TBC1D1: variants seen among roughly 807,000 people sequenced by gnomAD.
TBC1D1 encodes TBC1 (tre-2/USP6, BUB2, cdc16) domain family, member 1.
TBC1D1 carries 89 observed loss-of-function variants against 125.6 expected under a neutral mutation model. The observed-to-expected ratio is 0.71, with a 90% CI of 0.60 to 0.85. The LOEUF is 0.85. TBC1D1 is among the 40% of genes least tolerant of loss of function. The pLI is 0.00. For synonymous variants in TBC1D1, 565 were observed against 564.1 expected (o/e 1.00, Z -0.02); for missense variants, 1,377 against 1,469.2 (o/e 0.94, Z 1.03).
intron 2 of TBC1D1, among the ~76,000 whole-genome samples, chr4:37,959,286 G>A (rs12640697): frequency 0.08 from 12,225 of 152,174 alleles, 528 homozygotes; most frequent in South Asian, 0.11. Flanking sequence ...CATATATTTC[G>A]TATGTTTTAT....
At chr4:37,933,271 A>G (rs1723676500) in intron 2 of TBC1D1, among the ~76,000 whole-genome samples, 1 of 152,034 alleles carries the variant, frequency 6.6e-6, no homozygotes, top group South Asian at 2.1e-4. Flanking sequence ...ATACACCTAC[A>G]TACGCACCTA....
At chr4:37,897,879 C>A (rs1714989141) in intron 1 of TBC1D1, among the ~76,000 whole-genome samples, 1 of 152,108 alleles carries the variant, frequency 6.6e-6, no homozygotes, top group Non-Finnish European at 1.5e-5. Flanking sequence ...AAAGAGAGAT[C>A]ATTATTTATG....
chr4:38,049,661 GCTC>G lies in TBC1D1; in HGVS notation c.1676_1678del (p.Ser559del). ...AAGGAGGCCTTGCCCATCTCTGAGA[GCTC>G]CTTTAAGCTCCTCGGCTCCTCGGAG... is the stretch of plus-strand genomic sequence containing the variant. On this transcript the variant is annotated inframe_deletion, in exon 11 of 20. Coordinates refer to ENST00000261439, the MANE Select transcript of TBC1D1 (RefSeq NM_015173.4). 1 of 1,613,448 alleles carries G rather than the reference GCTC, an allele frequency of 6.2e-7. No homozygotes were observed. Among genetic ancestry groups the G allele is most frequent in the Non-Finnish European group, 8.5e-7 (1 of 1,179,512 alleles).
At chr4:37,909,735 T>C (rs1377595393) in intron 2 of TBC1D1, among the ~76,000 whole-genome samples, 3 of 152,236 alleles carry the variant, frequency 2.0e-5, no homozygotes, top group African/African-American at 7.2e-5. Context: ...GGGGTCTTGT[T>C]AGGTATGTTT....
chr4:37,978,311 G>A (rs1733656908), intron 2 of TBC1D1, among the ~76,000 whole-genome samples: 1 of 152,210 alleles, frequency 6.6e-6, no homozygotes, highest in Non-Finnish European at 1.5e-5. Context: ...TCGCCACCTT[G>A]AAAGGCTCGC....
At chr4:37,981,669 G>T (rs969920235) in intron 2 of TBC1D1, among the ~76,000 whole-genome samples, 2 of 152,192 alleles carry the variant, frequency 1.3e-5, no homozygotes, top group African/African-American at 4.8e-5. Context: ...GGTATGGCTG[G>T]AATATATCCA....
intron 12 of TBC1D1, among the ~76,000 whole-genome samples, chr4:38,082,569 A>C (rs1290014991): frequency 6.6e-6 from 1 of 152,226 alleles, no homozygotes; most frequent in East Asian, 1.9e-4. Flanking sequence ...TTGCAGATGC[A>C]AAAACAAACG....
rs563352737 is a variant in TBC1D1 at position 38,135,893 on chromosome 4, T to C, written c.3307-1242T>C. 2.7e-5 allele frequency among the ~76,000 whole-genome samples: 4 copies of C among 149,400 alleles called. No homozygotes were observed. The South Asian group carries it at 8.6e-4, about 32-fold the overall frequency. ...ATATATGTGTGTGTGTGTGTATATA[T>C]GTGTGTGTGTATATATACGTGTGTG... On this transcript the variant is annotated intron_variant, in intron 19 of 19. Coordinates refer to ENST00000261439, the MANE Select transcript of TBC1D1 (RefSeq NM_015173.4).
At chr4:38,056,369 G>C (rs1375546506) in intron 12 of TBC1D1, among the ~76,000 whole-genome samples, 2 of 152,228 alleles carry the variant, frequency 1.3e-5, no homozygotes, top group Non-Finnish European at 2.9e-5. Flanking sequence ...GGCTCTGGCA[G>C]TGTGTTGCTC....
chr4:37,953,666 G>A (rs1285964201), intron 2 of TBC1D1, among the ~76,000 whole-genome samples: 2 of 152,190 alleles, frequency 1.3e-5, no homozygotes, highest in Non-Finnish European at 2.9e-5. Context: ...AGGTTGATGT[G>A]TAGAATAGTG....
chr4:38,029,431 G>A (rs1465880273), intron 7 of TBC1D1, among the ~76,000 whole-genome samples: 5 of 152,276 alleles, frequency 3.3e-5, no homozygotes, highest in South Asian at 2.1e-4. Flanking sequence ...GCAATGGTGC[G>A]ATCTTGGCTC....
intron 15 of TBC1D1, among the ~76,000 whole-genome samples, chr4:38,107,583 T>G (rs1056794525): frequency 1.4e-5 from 2 of 141,294 alleles, no homozygotes; most frequent in African/African-American, 5.2e-5. Flanking sequence ...ACAGGTTTTT[T>G]TTTTTTTTTT....
intron 7 of TBC1D1, among the ~76,000 whole-genome samples, chr4:38,033,909 T>C (rs1350835852): frequency 6.6e-6 from 1 of 152,258 alleles, no homozygotes; most frequent in Non-Finnish European, 1.5e-5. Context: ...GTTTTATAGA[T>C]GCACTACAGT....
At chr4:38,035,471 A>T in intron 7 of TBC1D1, 117 bp from the exon 8 acceptor site, 1 of 734,670 alleles carries the variant, frequency 1.4e-6, no homozygotes. Context: ...CCCCCTGGTG[A>T]GATGATTGAG....
At chr4:37,992,878 C>T (rs370977976) in intron 2 of TBC1D1, among the ~76,000 whole-genome samples, 2 of 150,106 alleles carry the variant, frequency 1.3e-5, no homozygotes, top group African/African-American at 2.5e-5. Context: ...GATCTCAGCT[C>T]ACTGCAACCT....
At chr4:38,040,055 AT>A (rs1245928764) in intron 8 of TBC1D1, among the ~76,000 whole-genome samples, 15 of 152,204 alleles carry the variant, frequency 9.9e-5, no homozygotes, top group African/African-American at 3.6e-4. Flanking sequence ...TCATTTCTAA[AT>A]GTGAATTATT....
chr4:37,896,789 A>T (rs969486916), intron 1 of TBC1D1, among the ~76,000 whole-genome samples: 1 of 151,494 alleles, frequency 6.6e-6, no homozygotes, highest in African/African-American at 2.4e-5. Context: ...TATTAGGGAA[A>T]TTTCTAAATG....
At chr4:37,998,402 C>G (rs1051100918) in intron 2 of TBC1D1, among the ~76,000 whole-genome samples, 1 of 152,174 alleles carries the variant, frequency 6.6e-6, no homozygotes, top group Admixed American at 6.5e-5. Flanking sequence ...GTTGGAAATG[C>G]AAACCTGGCC....
intron 12 of TBC1D1, among the ~76,000 whole-genome samples, chr4:38,075,577 C>T (rs1370405806): frequency 6.6e-6 from 1 of 152,234 alleles, no homozygotes; most frequent in Non-Finnish European, 1.5e-5. Context: ...CCCCTCTCCT[C>T]CGCAAAGCAC....
Sources: gnomAD v4.1 joint callset for allele counts (sites outside exome capture counted in the v4.1 genomes callset) on GRCh38, gnomAD v4.1.1 for gene constraint, MANE v1.5 for transcripts, NCBI Gene and HGNC (gene_info 2026-07-23, HGNC 2026-07-21) for gene names.